The following KLRG1 variants were observed in gnomAD, a reference collection of about 807,000 sequenced individuals.
The protein encoded by KLRG1 is killer cell lectin-like receptor subfamily G member 1.
A neutral mutation model predicts 21.8 loss-of-function variants in KLRG1; 16 were observed. That is an observed-to-expected ratio of 0.73 (90% CI 0.50 to 1.11). KLRG1 has a LOEUF of 1.11. Ranked by LOEUF, KLRG1 falls within the 50% of genes most tolerant of loss-of-function variation. KLRG1 has a pLI of 0.00. For synonymous variants in KLRG1, 69 were observed against 75.9 expected, an observed-to-expected ratio of 0.91 and a Z score of 0.47; for missense variants, 173 against 218.3, an observed-to-expected ratio of 0.79 and a Z score of 1.31.
intron 1 of KLRG1, among the ~76,000 whole-genome samples, chr12:8,966,934 C>T (rs999658691): frequency 4.1e-5 from 6 of 147,828 alleles, no homozygotes; most frequent in African/African-American, 1.2e-4. Flanking sequence ...TGGAACCAAC[C>T]CAAATGTCCA....
At chr12:9,025,899 G>C in the KLRG1 span, among the ~76,000 whole-genome samples, 20 of 152,176 alleles carry the variant, frequency 1.3e-4, no homozygotes, top group African/African-American at 4.8e-4. Context: ...AAGAAGGAGA[G>C]AGGAAATAAT....
the KLRG1 span, among the ~76,000 whole-genome samples, chr12:9,073,737 T>C: frequency 6.6e-6 from 1 of 152,138 alleles, no homozygotes; most frequent in Non-Finnish European, 1.5e-5. Flanking sequence ...ATTTAGGAGG[T>C]TGGATGAATA....
At chr12:9,069,809 T>C in the KLRG1 span, 1 of 1,613,536 alleles carries the variant, frequency 6.2e-7, no homozygotes. Flanking sequence ...GTTAGATCTT[T>C]CAAGCTGAAG....
chr12:9,018,817 A>T, the KLRG1 span, among the ~76,000 whole-genome samples: 11 of 152,202 alleles, frequency 7.2e-5, no homozygotes, highest in Non-Finnish European at 1.5e-4. Flanking sequence ...ACTTCAAATT[A>T]TGAAACTACT....
At chr12:9,008,069 T>C (rs1947523844) in intron 3 of KLRG1, among the ~76,000 whole-genome samples, 1 of 152,228 alleles carries the variant, frequency 6.6e-6, no homozygotes, top group Non-Finnish European at 1.5e-5. Context: ...ATAAGTGGTG[T>C]AGCCAATTTA....
chr12:8,990,645 T>C (rs1198138681), intron 1 of KLRG1, among the ~76,000 whole-genome samples: 1 of 152,146 alleles, frequency 6.6e-6, no homozygotes, highest in African/African-American at 2.4e-5. Flanking sequence ...AATAGAAATA[T>C]TACGTTAGAA....
chr12:8,977,872 C>G (rs776776907), intron 1 of KLRG1, among the ~76,000 whole-genome samples: 2 of 151,888 alleles, frequency 1.3e-5, no homozygotes, highest in Non-Finnish European at 2.9e-5. Flanking sequence ...CAATCTCATT[C>G]TTTTGAGACA....
chr12:9,167,327 TCTTA>T, the KLRG1 span: 2 of 152,208 alleles, frequency 1.3e-5, no homozygotes, highest in African/African-American at 2.4e-5. Flanking sequence ...TCCTTCCTAC[TCTTA>T]CTGTCAACTT....
chr12:9,154,707 G>T, the KLRG1 span: 1 of 1,614,134 alleles, frequency 6.2e-7, no homozygotes, highest in Non-Finnish European at 8.5e-7. Context: ...TGAGGTGGGG[G>T]CTGGCTGGGC....
At chr12:9,056,669 C>G in the KLRG1 span, among the ~76,000 whole-genome samples, 1 of 152,104 alleles carries the variant, frequency 6.6e-6, no homozygotes, top group African/African-American at 2.4e-5. Flanking sequence ...CCTCAGCCTC[C>G]TGAGTAGCTG....
At chr12:9,094,896 G>T in the KLRG1 span, 1 of 706,742 alleles carries the variant, frequency 1.4e-6, no homozygotes, top group East Asian at 3.1e-5. Context: ...GTTAATTTTT[G>T]TCACATTGTA....
At chr12:9,063,272 T>C in the KLRG1 span, among the ~76,000 whole-genome samples, 1 of 152,226 alleles carries the variant, frequency 6.6e-6, no homozygotes, top group Non-Finnish European at 1.5e-5. Flanking sequence ...TCCAACTTTA[T>C]ATTCTTGTCA....
chr12:9,035,447 G>A, the KLRG1 span, among the ~76,000 whole-genome samples: 1 of 151,856 alleles, frequency 6.6e-6, no homozygotes, highest in African/African-American at 2.4e-5. Context: ...GGGCCTGTCA[G>A]GGGGTAGGGA....
At chr12:8,958,112 G>A (rs996000273) in intron 1 of KLRG1, among the ~76,000 whole-genome samples, 15 of 152,010 alleles carry the variant, frequency 9.9e-5, no homozygotes, top group Admixed American at 5.9e-4. Flanking sequence ...TACCCAGGCT[G>A]GTCTCAAACT....
the KLRG1 span, chr12:9,027,397 C>T: frequency 4.0e-5 from 21 of 522,424 alleles, no homozygotes; most frequent in Middle Eastern, 5.5e-4. Context: ...TGAGTATTTG[C>T]GTAAAACATG....
At chr12:9,003,215 A>T (rs2137402625) in intron 3 of KLRG1, among the ~76,000 whole-genome samples, 1 of 152,292 alleles carries the variant, frequency 6.6e-6, no homozygotes, top group South Asian at 2.1e-4. Flanking sequence ...GCAAATCTTT[A>T]TCAATTTCTG....
the KLRG1 span, among the ~76,000 whole-genome samples, chr12:9,096,844 A>T: frequency 6.6e-6 from 1 of 152,170 alleles, no homozygotes; most frequent in Admixed American, 6.5e-5. Flanking sequence ...CATGAGACAT[A>T]CATTTTTATC....
At chr12:8,955,357 G>C (rs995216413) in intron 1 of KLRG1, among the ~76,000 whole-genome samples, 1 of 141,114 alleles carries the variant, frequency 7.1e-6, no homozygotes, top group African/African-American at 2.6e-5. Flanking sequence ...CCTAGTCCTA[G>C]AGGCAACTAT....
rs573179563 is a variant in KLRG1 at position 9,008,776 on chromosome 12, C to T, written c.358-199C>T. Among the ~76,000 whole-genome samples the T allele has an allele frequency of 6.6e-5, 10 of 152,302 alleles. 1 individual carries two copies. Among genetic ancestry groups the T allele is most frequent in the African/African-American group, 1.7e-4 (7 of 41,570 alleles). On this transcript the variant is annotated intron_variant, in intron 3 of 4. Coordinates refer to ENST00000356986, the MANE Select transcript of KLRG1 (RefSeq NM_005810.4). ...TAAAGGCTTCACCAGCAGATTTCAT[C>T]ACATTAGGGGTTAGGGGTTCAACAT...
Sources: gnomAD v4.1 joint callset for allele counts (sites outside exome capture counted in the v4.1 genomes callset) on GRCh38, gnomAD v4.1.1 for gene constraint, MANE v1.5 for transcripts, NCBI Gene and HGNC (gene_info 2026-07-23, HGNC 2026-07-21) for gene names.